CHAC2: variants seen among roughly 807,000 people sequenced by gnomAD.
The protein encoded by CHAC2 is ChaC glutathione specific gamma-glutamylcyclotransferase 2, also known as glutathione-specific gamma-glutamylcyclotransferase 2.
A neutral mutation model predicts 16.9 loss-of-function variants in CHAC2; 20 were observed. That is an observed-to-expected ratio of 1.18 (90% CI 0.83 to 1.72). CHAC2 has a LOEUF of 1.72. Among genes scored for constraint, CHAC2 ranks in the 40% most tolerant of loss-of-function variants. CHAC2 has a pLI of 0.00. For missense variants in CHAC2, 269 were observed against 222.2 expected (o/e 1.21, Z -1.34); for synonymous variants, 91 against 77.3 (o/e 1.18, Z -0.93).
intron 1 of CHAC2, among the ~76,000 whole-genome samples, chr2:53,770,120 C>T (rs1673791832): frequency 1.3e-5 from 2 of 152,160 alleles, no homozygotes; most frequent in African/African-American, 4.8e-5. Context: ...TATATATCCT[C>T]ATTGTAGCAT....
chr2:53,774,092 T>G (rs1396969715), intron 2 of CHAC2, 50 bp from the exon 3 acceptor site: 54 of 1,506,644 alleles, frequency 3.6e-5, no homozygotes, highest in African/African-American at 5.6e-5. Flanking sequence ...TTTCTTCACC[T>G]ATTTTAATTA....
intron 2 of CHAC2, 135 bp downstream of exon 2, chr2:53,772,077 GT>G (rs954986506): frequency 5.0e-5 from 29 of 578,840 alleles, no homozygotes; most frequent in East Asian, 9.7e-5. Context: ...GTATTTGTGG[GT>G]TTTTTTTGTG....
intron 1 of CHAC2, 189 bp downstream of exon 1, chr2:53,768,210 C>T (rs1673630782): frequency 1.6e-6 from 1 of 636,260 alleles, no homozygotes; most frequent in Non-Finnish European, 2.6e-6. Context: ...CCGGGCACTC[C>T]TTCCGAAGCT....
intron 1 of CHAC2, among the ~76,000 whole-genome samples, chr2:53,770,164 T>C (rs1673795916): frequency 6.6e-6 from 1 of 152,178 alleles, no homozygotes. Context: ...GAAATCTAAA[T>C]GTCCAAGAAC....
Position 53,767,984 on chromosome 2 carries a change from G to A in CHAC2, c.98G>A (p.Trp33Ter), listed in dbSNP as rs141646042. 62 of 1,613,804 alleles carry A rather than the reference G, an allele frequency of 3.8e-5. 1 individual carries two copies. The highest frequency in any genetic ancestry group is 1.6e-4 in the Middle Eastern group (1 of 6,082). ...ATCACCAACTACAGCAGGCGCTTCT[G>A]GCAGGGCAGCACGGACCACCGCGGG... ...GYITNYSRRF[W>*]QGSTDHRGVP... The change falls in exon 1 of 3, where the codon TGG (tryptophan) becomes TAG (stop). Residue 33 changes from tryptophan to a stop codon, truncating the protein, a stop_gained. Transcript: ENST00000295304. LOFTEE classifies it high-confidence loss of function.
chr2:53,773,618 A>G (rs1462177609), intron 2 of CHAC2, among the ~76,000 whole-genome samples: 1 of 151,922 alleles, frequency 6.6e-6, no homozygotes, highest in African/African-American at 2.4e-5. Context: ...TTTAGTAAAG[A>G]CGGGGTTTCA....
At position 53,771,959 on chromosome 2, in the gene CHAC2, C is replaced by CT; in HGVS notation, c.171+23dup. The CT allele has an allele frequency of 3.6e-6, 5 of 1,373,574 alleles. No homozygotes were observed. Among genetic ancestry groups the CT allele is most frequent in the Non-Finnish European group, 5.0e-6 (5 of 1,001,254 alleles). 85.1% of individuals were successfully genotyped at this position (1,373,574 alleles called of 1,614,324 possible). A position where few individuals can be genotyped will look rare whatever the true frequency, so the allele number is the denominator to read the frequency against. Reference sequence around the variant, plus strand: ...GATCCTGCGGTATGGTATAAATATTCTTTTTTGTATAATTTTAATTTTATA... The same window carrying CT: ...GATCCTGCGGTATGGTATAAATATTCTTTTTTTGTATAATTTTAATTTTATA... On this transcript the variant is annotated intron_variant, in intron 2 of 2. Transcript: ENST00000295304.
Position 53,775,043 on chromosome 2 carries a change from T to C in CHAC2, c.*518T>C, listed in dbSNP as rs906427457. ...TATTCAAGTATTAAATGAAATCTTT[T>C]GAGTTTTTAGCCAAAAATTGGCATT... On this transcript the variant is annotated 3_prime_UTR_variant, in exon 3 of 3. Coordinates refer to ENST00000295304, the MANE Select transcript of CHAC2 (RefSeq NM_001008708.4). The C allele has an allele frequency of 3.3e-5, 5 of 152,666 alleles. No individual in the cohort carries two copies. The highest frequency in any genetic ancestry group is 1.2e-4 in the African/African-American group (5 of 41,456). The allele number at this position is 152,666 out of a possible 1,614,324, so 9.5% of individuals were successfully genotyped here. A position where few individuals can be genotyped will look rare whatever the true frequency, so the allele number is the denominator to read the frequency against.
intron 2 of CHAC2, 23 bp from the exon 3 acceptor site, chr2:53,774,119 G>A (rs1558576017): frequency 1.3e-6 from 2 of 1,567,494 alleles, no homozygotes; most frequent in African/African-American, 1.4e-5. Context: ...TAATACCAGT[G>A]TATTCTTTTC....
chr2:53,775,113 CTT>C lies in CHAC2; in HGVS notation c.*589_*590del, dbSNP rs934186216. On this transcript the variant is annotated 3_prime_UTR_variant, in exon 3 of 3. Coordinates refer to ENST00000295304, the MANE Select transcript of CHAC2 (RefSeq NM_001008708.4). ...CTTGGAATTATAATGTACTGTACCTCTTCTTTTTTAAATAAAGGCATTTTACT... is the reference window on the plus strand; with the variant it reads ...CTTGGAATTATAATGTACTGTACCTCCTTTTTTAAATAAAGGCATTTTACT... 3 of 152,522 alleles carry C rather than the reference CTT, an allele frequency of 2.0e-5. No homozygotes were observed. Among genetic ancestry groups the C allele is most frequent in the African/African-American group, 7.2e-5 (3 of 41,406 alleles). The allele number at this position is 152,522 out of a possible 1,614,324, so 9.4% of individuals were successfully genotyped here.
chr2:53,770,404 G>A (rs535635597), intron 1 of CHAC2, among the ~76,000 whole-genome samples: 1 of 150,430 alleles, frequency 6.6e-6, no homozygotes, highest in East Asian at 2.0e-4. Context: ...CATACAAGTA[G>A]GTAAAATTGT....
rs1375840522 is a variant in CHAC2 at position 53,774,184 on chromosome 2, G to C, written c.214G>C (p.Glu72Gln). ...GVAYRLPVGK[E>Q]EEVKAYLDFR... ...TGCTTACAGATTGCCAGTAGGAAAG[G>C]AAGAAGAAGTAAAAGCATACCTTGA... Residue 72 changes from glutamate to glutamine, a missense_variant, in exon 3 of 3, where the codon GAA (glutamate) becomes CAA (glutamine). Glu to Gln is a conservative substitution (Grantham distance 29). Transcript: ENST00000295304. 3 of 1,612,596 alleles carry C rather than the reference G, an allele frequency of 1.9e-6. No individual in the cohort carries two copies. The highest frequency in any genetic ancestry group is 2.5e-6 in the Non-Finnish European group (3 of 1,179,514).
chr2:53,769,266 T>C (rs1202895990), intron 1 of CHAC2, among the ~76,000 whole-genome samples: 1 of 152,220 alleles, frequency 6.6e-6, no homozygotes, highest in Non-Finnish European at 1.5e-5. Context: ...ATCCCAACAC[T>C]TCGGAAGTTT....
At chr2:53,768,925 C>G (rs899954915) in intron 1 of CHAC2, among the ~76,000 whole-genome samples, 1 of 152,152 alleles carries the variant, frequency 6.6e-6, no homozygotes, top group African/African-American at 2.4e-5. Flanking sequence ...GATCAAGGCG[C>G]TAAAGTAGTT....
chr2:53,768,104 A>T lies in CHAC2; in HGVS notation c.135+83A>T, dbSNP rs1045060078. 9.9e-6 allele frequency: 15 copies of T among 1,512,254 alleles called. No individual in the cohort carries two copies. The African/African-American group carries it at 1.8e-4, about 18-fold the overall frequency. 93.7% of individuals were successfully genotyped at this position (1,512,254 alleles called of 1,614,324 possible). A position where few individuals can be genotyped will look rare whatever the true frequency, so the allele number is the denominator to read the frequency against. ...CACACACAGCACCCACACCCTAGAG[A>T]ACCACACCTTAGCGCTTCATGGGGC... is the stretch of plus-strand genomic sequence containing the variant. On this transcript the variant is annotated intron_variant, in intron 1 of 2. Coordinates refer to ENST00000295304, the MANE Select transcript of CHAC2 (RefSeq NM_001008708.4).
chr2:53,771,242 C>T (rs958924702), intron 1 of CHAC2, among the ~76,000 whole-genome samples: 3 of 152,078 alleles, frequency 2.0e-5, no homozygotes, highest in Admixed American at 1.3e-4. Context: ...AGGCCGGGTG[C>T]GGTGGCTCAC....
At chr2:53,772,765 CAT>C (rs999749811) in intron 2 of CHAC2, among the ~76,000 whole-genome samples, 4 of 152,142 alleles carry the variant, frequency 2.6e-5, no homozygotes, top group Non-Finnish European at 5.9e-5. Context: ...CATAGGTAAA[CAT>C]GTGTCATGGG....
intron 2 of CHAC2, among the ~76,000 whole-genome samples, chr2:53,773,350 G>A (rs980875201): frequency 6.6e-6 from 1 of 150,406 alleles, no homozygotes; most frequent in Admixed American, 6.6e-5. Flanking sequence ...ATTCACAATG[G>A]AGATTTTAAA....
At chr2:53,773,925 C>T in intron 2 of CHAC2, among the ~76,000 whole-genome samples, 1 of 151,996 alleles carries the variant, frequency 6.6e-6, no homozygotes, top group Non-Finnish European at 1.5e-5. Flanking sequence ...ATCCCAGTCA[C>T]TTGAGAGGCT....
Sources: allele counts gnomAD v4.1 joint callset (sites outside exome capture counted in the v4.1 genomes callset), GRCh38; gene constraint gnomAD v4.1.1; transcripts MANE v1.5; gene names NCBI Gene and HGNC (gene_info 2026-07-23, HGNC 2026-07-21).